The following NRG3 variants were observed in gnomAD, a reference collection of about 807,000 sequenced individuals.
The protein encoded by NRG3 is neuregulin 3.
A neutral mutation model predicts 66.9 loss-of-function variants in NRG3; 31 were observed. The ratio of observed to expected loss-of-function variants is 0.46; its 90% CI spans 0.35 to 0.63. The LOEUF is 0.63. Among genes scored for constraint, NRG3 ranks in the 20% least tolerant of loss-of-function variants. The probability of loss-of-function intolerance (pLI) is 0.00; values close to 1 mark genes in which losing one functional copy is unlikely to be tolerated. For missense variants in NRG3, 910 were observed against 878.9 expected, an observed-to-expected ratio of 1.04 and a Z score of -0.45; for synonymous variants, 393 against 359.4, an observed-to-expected ratio of 1.09 and a Z score of -1.06.
intron 1 of NRG3, among the ~76,000 whole-genome samples, chr10:82,121,151 A>G (rs2068064513): frequency 6.6e-6 from 1 of 152,088 alleles, no homozygotes; most frequent in African/African-American, 2.4e-5. Flanking sequence ...GTGTAACTCC[A>G]GTAAACCCTA....
intron 2 of NRG3, among the ~76,000 whole-genome samples, chr10:82,631,792 A>T (rs1275502622): frequency 1.3e-5 from 2 of 152,066 alleles, no homozygotes; most frequent in Non-Finnish European, 2.9e-5. Flanking sequence ...CTGAAAATTT[A>T]AAAATAAAAT....
At chr10:82,753,326 G>C (rs935204512) in intron 3 of NRG3, among the ~76,000 whole-genome samples, 1 of 151,736 alleles carries the variant, frequency 6.6e-6, no homozygotes, top group Non-Finnish European at 1.5e-5. Flanking sequence ...TTCCTCCCCA[G>C]TGTGTAATTC....
intron 4 of NRG3, among the ~76,000 whole-genome samples, chr10:82,936,440 G>T (rs897632109): frequency 2.6e-5 from 4 of 152,140 alleles, no homozygotes; most frequent in Non-Finnish European, 5.9e-5. Context: ...GGTTATGAGA[G>T]GCCATAGGGT....
At chr10:82,775,325 A>G (rs1243660219) in intron 3 of NRG3, among the ~76,000 whole-genome samples, 1 of 151,726 alleles carries the variant, frequency 6.6e-6, no homozygotes. Context: ...ATTTGACTCA[A>G]TAATTTTTTG....
At chr10:81,966,292 A>G (rs1300562770) in intron 1 of NRG3, among the ~76,000 whole-genome samples, 2 of 150,318 alleles carry the variant, frequency 1.3e-5, no homozygotes, top group Non-Finnish European at 3.0e-5. Context: ...TTATTTTTAT[A>G]TAAATGTAAT....
At chr10:82,144,231 G>A (rs765006711) in intron 1 of NRG3, among the ~76,000 whole-genome samples, 2 of 151,996 alleles carry the variant, frequency 1.3e-5, no homozygotes, top group Non-Finnish European at 2.9e-5. Context: ...ACTACTATGT[G>A]GTTGATTTAA....
intron 1 of NRG3, among the ~76,000 whole-genome samples, chr10:82,188,278 C>G (rs552153134): frequency 6.6e-6 from 1 of 152,168 alleles, no homozygotes; most frequent in African/African-American, 2.4e-5. Context: ...AAACTAGACC[C>G]CTATCTATCA....
intron 1 of NRG3, among the ~76,000 whole-genome samples, chr10:82,177,937 T>A (rs1004698506): frequency 6.6e-6 from 1 of 152,138 alleles, no homozygotes; most frequent in African/African-American, 2.4e-5. Context: ...GCAGTCCTCC[T>A]GCCTCAGCCT....
intron 5 of NRG3, among the ~76,000 whole-genome samples, chr10:82,957,899 TG>T (rs1393550679): frequency 7.3e-5 from 11 of 151,496 alleles, no homozygotes; most frequent in African/African-American, 2.7e-4. Context: ...TGTGCGTGTG[TG>T]TGTGTGTGTG....
chr10:82,856,763 A>AC (rs1269195870), intron 3 of NRG3, among the ~76,000 whole-genome samples: 12 of 151,002 alleles, frequency 7.9e-5, no homozygotes, highest in African/African-American at 1.9e-4. Flanking sequence ...AAACAAAAAA[A>AC]AAAAAAAAAA....
intron 1 of NRG3, among the ~76,000 whole-genome samples, chr10:82,263,888 C>A (rs1243533690): frequency 6.6e-6 from 1 of 152,132 alleles, no homozygotes; most frequent in Non-Finnish European, 1.5e-5. Context: ...TATTTAAAAT[C>A]CAGTTTAAGT....
chr10:82,758,419 G>A (rs76311277), intron 3 of NRG3, among the ~76,000 whole-genome samples: 143 of 152,204 alleles, frequency 9.4e-4, no homozygotes, highest in Non-Finnish European at 1.6e-3. Context: ...GGAAAGGCTT[G>A]CAGAGAGAAA....
At chr10:82,809,642 T>C (rs1370790911) in intron 3 of NRG3, among the ~76,000 whole-genome samples, 3 of 152,176 alleles carry the variant, frequency 2.0e-5, no homozygotes, top group South Asian at 2.1e-4. Flanking sequence ...GATTTGTCCC[T>C]GTTAACGTGG....
chr10:81,885,463 A>C (rs2132510731), intron 1 of NRG3, among the ~76,000 whole-genome samples: 1 of 152,284 alleles, frequency 6.6e-6, no homozygotes, highest in South Asian at 2.1e-4. Context: ...ACCAGTTCTA[A>C]GAAGGGGAAC....
chr10:82,349,007 G>A (rs1168835811), intron 1 of NRG3, among the ~76,000 whole-genome samples: 5 of 151,856 alleles, frequency 3.3e-5, no homozygotes, highest in Non-Finnish European at 7.4e-5. Flanking sequence ...TTTGCCTTTG[G>A]TTTGAATGTC....
intron 2 of NRG3, among the ~76,000 whole-genome samples, chr10:82,536,535 G>A (rs1258906046): frequency 6.6e-6 from 1 of 152,016 alleles, no homozygotes; most frequent in East Asian, 1.9e-4. Flanking sequence ...GAAGGTTATG[G>A]TAATTTTTTT....
At chr10:82,377,461 C>T (rs1307548655) in intron 2 of NRG3, among the ~76,000 whole-genome samples, 385 of 138,552 alleles carry the variant, frequency 2.8e-3, no homozygotes, top group African/African-American at 0.012. Context: ...TGTGTGTGCG[C>T]GAGCGCACAT....
At chr10:82,402,149 T>A (rs928597468) in intron 2 of NRG3, among the ~76,000 whole-genome samples, 6 of 152,076 alleles carry the variant, frequency 3.9e-5, no homozygotes, top group Non-Finnish European at 7.4e-5. Flanking sequence ...GCCTCTTATG[T>A]TATCATAAGA....
chr10:82,706,856 T>A (rs1396628445), intron 2 of NRG3, among the ~76,000 whole-genome samples: 1 of 151,764 alleles, frequency 6.6e-6, no homozygotes, highest in Non-Finnish European at 1.5e-5. Flanking sequence ...TAGCCAGGCG[T>A]GGTGGTGCAC....
Sources: allele counts gnomAD v4.1 joint callset (sites outside exome capture counted in the v4.1 genomes callset), GRCh38; gene constraint gnomAD v4.1.1; transcripts MANE v1.5; gene names NCBI Gene and HGNC (gene_info 2026-07-23, HGNC 2026-07-21).